Variants in SMCHD1 observed in about 807,000 individuals in gnomAD.
SMCHD1 encodes the protein structural maintenance of chromosomes flexible hinge domain containing 1.
In SMCHD1, 78 loss-of-function variants were observed where a neutral mutation model predicts 254.7. The ratio of observed to expected loss-of-function variants is 0.31; its 90% CI spans 0.26 to 0.37. The LOEUF is 0.37. SMCHD1 is among the 10% of genes least tolerant of loss of function. The probability of loss-of-function intolerance (pLI) is 1.00; values close to 1 mark genes in which losing one functional copy is unlikely to be tolerated. For missense variants in SMCHD1, 1,840 were observed against 2,408.1 expected, an observed-to-expected ratio of 0.76 and a Z score of 4.94; for synonymous variants, 766 against 794.9, an observed-to-expected ratio of 0.96 and a Z score of 0.61.
chr18:2,676,999 T>C (rs903236413), intron 5 of SMCHD1, among the ~76,000 whole-genome samples: 4 of 152,196 alleles, frequency 2.6e-5, no homozygotes, highest in Non-Finnish European at 4.4e-5. Flanking sequence ...ATCTCCTTCA[T>C]TCTATGATAG....
chr18:2,738,530 G>A lies in SMCHD1; in HGVS notation c.3410G>A (p.Ser1137Asn), dbSNP rs768044146. The A allele has an allele frequency of 7.4e-6, 12 of 1,611,846 alleles. No individual in the cohort carries two copies. The East Asian group carries it at 2.7e-4, about 36-fold the overall frequency. Residue 1137 changes from serine to asparagine, a missense_variant, in exon 26 of 48, where the codon AGT (serine) becomes AAT (asparagine). Transcript: ENST00000320876. ...CAAGATGATCATGTGTCTTTGGAAA[G>A]TGCGTTTACAGTAAGGTTTGTGGAC... Reference protein sequence around the residue: ...SFQDDHVSLESAFTVRPLPDE... With the variant: ...SFQDDHVSLENAFTVRPLPDE...
At chr18:2,759,571 CTTT>C (rs61159403) in intron 34 of SMCHD1, among the ~76,000 whole-genome samples, 8 of 69,514 alleles carry the variant, frequency 1.2e-4, no homozygotes, top group Non-Finnish European at 1.0e-4. Context: ...TTAATTCTCT[CTTT>C]TTTTTTTTTT....
chr18:2,705,853 CTT>C (rs750417979), intron 14 of SMCHD1, 46 bp downstream of exon 14: 19 of 1,136,268 alleles, frequency 1.7e-5, no homozygotes, highest in Middle Eastern at 2.0e-4. Context: ...CTTGATAACA[CTT>C]TTGCATAATT....
Position 2,778,319 on chromosome 18 carries a change from C to T in SMCHD1, c.5547+80C>T, listed in dbSNP as rs1294456813. The T allele has an allele frequency of 1.2e-5, 12 of 995,894 alleles. 2 individuals carry two copies. Among genetic ancestry groups the T allele is most frequent in the South Asian group, 4.8e-5 (3 of 62,512 alleles). 61.7% of individuals were successfully genotyped at this position (995,894 alleles called of 1,614,324 possible). On this transcript the variant is annotated intron_variant, in intron 44 of 47. Transcript: ENST00000320876. ...GTCCATTTGATGATACATATACAAACGACTAGCCTTTTCAAAACCAATTTA... is the reference window on the plus strand; with the variant it reads ...GTCCATTTGATGATACATATACAAATGACTAGCCTTTTCAAAACCAATTTA...
intron 14 of SMCHD1, 146 bp from the exon 15 acceptor site, chr18:2,706,218 T>C (rs1324047602): frequency 1.2e-5 from 6 of 521,110 alleles, no homozygotes; most frequent in Non-Finnish European, 2.0e-5. Context: ...ACAAACATTG[T>C]GGTGTAACGT....
At chr18:2,710,389 A>G (rs2074639751) in intron 17 of SMCHD1, among the ~76,000 whole-genome samples, 1 of 152,184 alleles carries the variant, frequency 6.6e-6, no homozygotes, top group Non-Finnish European at 1.5e-5. Context: ...GAGATTCCCT[A>G]TGAATGTAGG....
At chr18:2,666,035 C>A in intron 1 of SMCHD1, 122 bp from the exon 2 acceptor site, 2 of 503,254 alleles carry the variant, frequency 4.0e-6, no homozygotes, top group South Asian at 3.4e-5. Context: ...TTTGTATTTC[C>A]TAGATAAGTG....
At chr18:2,672,430 G>A (rs2073633538) in intron 3 of SMCHD1, among the ~76,000 whole-genome samples, 1 of 152,076 alleles carries the variant, frequency 6.6e-6, no homozygotes, top group African/African-American at 2.4e-5. Context: ...GTTTCACTGT[G>A]TTGGCCAGGC....
Position 2,708,907 on chromosome 18 carries a change from T to TATATGTATATATAA in SMCHD1, c.2260+988_2260+989insTATGTATATATAAA, listed in dbSNP as rs769432583. Reference sequence around the variant, plus strand: ...ATATATATATATATATATATATATATAACATATTAACATGAAATTTATGAA... The same window carrying TATATGTATATATAA: ...ATATATATATATATATATATATATATATATGTATATATAAAACATATTAACATGAAATTTATGAA... On this transcript the variant is annotated intron_variant, in intron 17 of 47. Transcript: ENST00000320876. 4.5e-5 allele frequency among the ~76,000 whole-genome samples: 2 copies of TATATGTATATATAA among 44,702 alleles called. 1 individual carries two copies. The highest frequency in any genetic ancestry group is 8.0e-5 in the Non-Finnish European group (2 of 25,026). The allele number at this position is 44,702 out of a possible 152,430, so 29.3% of individuals were successfully genotyped here. A position where few individuals can be genotyped will look rare whatever the true frequency, so the allele number is the denominator to read the frequency against.
chr18:2,686,632 G>A (rs1383432622), intron 5 of SMCHD1, among the ~76,000 whole-genome samples: 2 of 152,022 alleles, frequency 1.3e-5, no homozygotes, highest in African/African-American at 4.8e-5. Flanking sequence ...GTGTGTTTGT[G>A]TATTGTGTGA....
At chr18:2,747,700 A>G in intron 30 of SMCHD1, 53 bp downstream of exon 30, 7 of 1,368,106 alleles carry the variant, frequency 5.1e-6, no homozygotes, top group Non-Finnish European at 7.0e-6. Flanking sequence ...TTTCATTTTC[A>G]TGATAGTATC....
chr18:2,789,005 GT>G (rs2143832239), intron 45 of SMCHD1, among the ~76,000 whole-genome samples: 1 of 148,650 alleles, frequency 6.7e-6, no homozygotes, highest in East Asian at 2.0e-4. Context: ...TCACAGCTTT[GT>G]TTTTCTTTTT....
At chr18:2,799,651 A>G (rs999160262) in intron 47 of SMCHD1, among the ~76,000 whole-genome samples, 1 of 152,250 alleles carries the variant, frequency 6.6e-6, no homozygotes, top group African/African-American at 2.4e-5. Flanking sequence ...TGCTCCAAAC[A>G]TCAGGCTCAA....
Position 2,803,912 on chromosome 18 carries a change from G to A in SMCHD1, c.*1360G>A, listed in dbSNP as rs2076406600. 1 of 152,042 alleles carries A rather than the reference G, an allele frequency of 6.6e-6. No homozygotes were observed. The highest frequency in any genetic ancestry group is 1.9e-4 in the East Asian group (1 of 5,198). 9.4% of individuals were successfully genotyped at this position (152,042 alleles called of 1,614,324 possible). A position where few individuals can be genotyped will look rare whatever the true frequency, so the allele number is the denominator to read the frequency against. On this transcript the variant is annotated 3_prime_UTR_variant, in exon 48 of 48. Coordinates refer to ENST00000320876, the MANE Select transcript of SMCHD1 (RefSeq NM_015295.3). ...TATTTGCATTATATTTACCAATTTA[G>A]CATCCCTAATCCAAAAATCTTTCAT...
chr18:2,701,504 G>A (rs1241075407), intron 12 of SMCHD1, among the ~76,000 whole-genome samples: 1 of 152,082 alleles, frequency 6.6e-6, no homozygotes, highest in Non-Finnish European at 1.5e-5. Flanking sequence ...AGCCACAGAA[G>A]CATCTTAATG....
chr18:2,777,753 A>T (rs1276186923), intron 42 of SMCHD1, 53 bp from the exon 43 acceptor site: 33 of 1,006,176 alleles, frequency 3.3e-5, no homozygotes, highest in East Asian at 1.1e-4. Flanking sequence ...GTCTTTTTTT[A>T]AATTTAAAAA....
In SMCHD1 at chr18:2,706,392, G is replaced by A. The variant is rs2143241348; in HGVS notation, c.1985G>A (p.Arg662Lys). ...MEPQALYDEVRTVPIAKLDRT... is the reference protein window; with the variant it reads ...MEPQALYDEVKTVPIAKLDRT... ...CCTCAGGCACTATATGATGAAGTAA[G>A]AACTGTGCCAATTGCAAAGCTGGAT... Residue 662 changes from arginine to lysine, a missense_variant, in exon 15 of 48, where the codon AGA (arginine) becomes AAA (lysine). This residue lies in a region of SMCHD1 where 498 missense variants were observed against 743.5 expected (regional missense o/e 0.67). Coordinates refer to ENST00000320876, the MANE Select transcript of SMCHD1 (RefSeq NM_015295.3). The A allele has an allele frequency of 6.3e-7, 1 of 1,589,136 alleles. No homozygotes were observed. The highest frequency in any genetic ancestry group is 8.6e-7 in the Non-Finnish European group (1 of 1,167,044).
At chr18:2,764,332 T>A (rs1348743635) in intron 37 of SMCHD1, among the ~76,000 whole-genome samples, 1 of 152,172 alleles carries the variant, frequency 6.6e-6, no homozygotes, top group Non-Finnish European at 1.5e-5. Flanking sequence ...TTTATATACA[T>A]GTTCGGAGGG....
At chr18:2,670,940 C>CTTTT (rs1235079896) in intron 3 of SMCHD1, among the ~76,000 whole-genome samples, 26 of 124,490 alleles carry the variant, frequency 2.1e-4, no homozygotes, top group African/African-American at 8.5e-4. Flanking sequence ...TCTTTTAATT[C>CTTTT]TTTTTTTTTT....
Sources: gnomAD v4.1 joint callset for allele counts (sites outside exome capture counted in the v4.1 genomes callset) on GRCh38, gnomAD v4.1.1 for gene constraint, gnomAD v4.1.1 regional missense constraint, MANE v1.5 for transcripts, NCBI Gene and HGNC (gene_info 2026-07-23, HGNC 2026-07-21) for gene names.